PPP2R1B: variants seen among roughly 807,000 people sequenced by gnomAD.
PPP2R1B encodes the protein protein phosphatase 2 scaffold subunit Abeta.
PPP2R1B carries 58 observed loss-of-function variants against 72.7 expected under a neutral mutation model. The observed-to-expected ratio is 0.80, with a 90% CI of 0.65 to 0.99. PPP2R1B has a LOEUF of 0.99. PPP2R1B is among the 50% of genes least tolerant of loss of function. PPP2R1B has a pLI of 0.00. For synonymous variants in PPP2R1B, 256 were observed against 264.6 expected (o/e 0.97, Z 0.32); for missense variants, 695 against 733.6 (o/e 0.95, Z 0.61).
chr11:111,750,308 C>T (rs376653712), intron 10 of PPP2R1B, among the ~76,000 whole-genome samples: 8 of 152,230 alleles, frequency 5.3e-5, no homozygotes, highest in Middle Eastern at 3.4e-3. Context: ...CAAACTGTAG[C>T]GATGTCAATA....
chr11:111,720,755 C>T, the PPP2R1B span: 7 of 1,588,858 alleles, frequency 4.4e-6, no homozygotes, highest in Non-Finnish European at 6.0e-6. Flanking sequence ...ATACCTCCCT[C>T]ACCCAGGGTG....
In PPP2R1B at chr11:111,741,604, A is replaced by G. The variant is rs1443446366; in HGVS notation, c.1798T>C (p.Leu600=). Residue 600 remains leucine (L), a synonymous_variant, in exon 15 of 15, where the codon TTG becomes CTG. Coordinates refer to ENST00000527614, the MANE Select transcript of PPP2R1B (RefSeq NM_002716.5). ...TTCCCTCCTGCTCCTCATTATGCCA[A>G]TGCAAGAACTGGAAAATTCCAAACA... ...FAQEAISVLA[L]A The G allele has an allele frequency of 5.0e-6, 8 of 1,613,212 alleles. No individual in the cohort carries two copies. The highest frequency in any genetic ancestry group is 1.3e-5 in the African/African-American group (1 of 74,896).
chr11:111,708,154 G>C, the PPP2R1B span, among the ~76,000 whole-genome samples: 2 of 152,196 alleles, frequency 1.3e-5, no homozygotes, highest in African/African-American at 4.8e-5. Context: ...GGCCAAGGCA[G>C]GTGGTTTGCT....
chr11:111,762,551 TTC>T (rs1248112975), intron 3 of PPP2R1B, among the ~76,000 whole-genome samples: 8 of 101,724 alleles, frequency 7.9e-5, no homozygotes, highest in Non-Finnish European at 1.1e-4. Flanking sequence ...ACTCCAGCAG[TTC>T]TTTTTTTTTT....
At chr11:111,747,920 A>G (rs1267082789) in intron 11 of PPP2R1B, 34 bp downstream of exon 11, 2 of 1,562,070 alleles carry the variant, frequency 1.3e-6, no homozygotes, top group East Asian at 2.2e-5. Flanking sequence ...TCATGGATAT[A>G]TGGGCTTTCA....
chr11:111,728,861 T>C (rs906283348), intron 15 of PPP2R1B: 3 of 151,256 alleles, frequency 2.0e-5, no homozygotes, highest in Non-Finnish European at 4.4e-5. Flanking sequence ...GAGGTGGAGC[T>C]TGCAGTGAGC....
At chr11:111,721,118 T>C in the PPP2R1B span, 1 of 1,540,802 alleles carries the variant, frequency 6.5e-7, no homozygotes, top group East Asian at 2.3e-5. Context: ...TGTGAGTTTG[T>C]CCTGAAGATG....
intron 10 of PPP2R1B, among the ~76,000 whole-genome samples, chr11:111,748,536 T>C (rs193248553): frequency 6.6e-6 from 1 of 152,348 alleles, no homozygotes; most frequent in African/African-American, 2.4e-5. Context: ...GGCCCAGGAC[T>C]ACAGGGCATA....
chr11:111,703,228 G>C, the PPP2R1B span: 1 of 1,614,126 alleles, frequency 6.2e-7, no homozygotes. Context: ...TCCGAAGGAT[G>C]TTGGTCCTAG....
the PPP2R1B span, among the ~76,000 whole-genome samples, chr11:111,711,868 T>C: frequency 6.6e-6 from 1 of 152,228 alleles, no homozygotes; most frequent in Non-Finnish European, 1.5e-5. Context: ...GTCTGGGTAT[T>C]ATATTTAAAG....
intron 15 of PPP2R1B, chr11:111,729,045 CTGTAATGT>C (rs1944090096): frequency 6.6e-6 from 1 of 152,218 alleles, no homozygotes; most frequent in Non-Finnish European, 1.5e-5. Context: ...TCTGAAGCAC[CTGTAATGT>C]CAGAGCCCTT....
At chr11:111,700,115 C>T in the PPP2R1B span, among the ~76,000 whole-genome samples, 2 of 152,180 alleles carry the variant, frequency 1.3e-5, no homozygotes, top group African/African-American at 2.4e-5. Context: ...TGTAACAATA[C>T]TTACTAAATT....
chr11:111,717,993 C>T, the PPP2R1B span, among the ~76,000 whole-genome samples: 1 of 152,042 alleles, frequency 6.6e-6, no homozygotes, highest in Non-Finnish European at 1.5e-5. Context: ...GATAGGTTGA[C>T]AGGTGCAGCA....
At position 111,764,563 on chromosome 11, in the gene PPP2R1B, A is replaced by T. The variant is rs1012248351; in HGVS notation, c.306+242T>A. ...ACAATCAAACCCTTTTTCTCCCTAC[A>T]TCTAAACTAATAAGTCTACAGACGC... On this transcript the variant is annotated intron_variant, in intron 3 of 14. Coordinates refer to ENST00000527614, the MANE Select transcript of PPP2R1B (RefSeq NM_002716.5). Among the ~76,000 whole-genome samples the T allele has an allele frequency of 2.6e-5, 4 of 152,120 alleles. No homozygotes were observed. The East Asian group carries it at 5.8e-4, about 22-fold the overall frequency.
the PPP2R1B span, among the ~76,000 whole-genome samples, chr11:111,708,873 T>C: frequency 1.3e-5 from 2 of 152,190 alleles, no homozygotes; most frequent in Non-Finnish European, 2.9e-5. Flanking sequence ...CAGGACCTGA[T>C]GAAGGTCACA....
the PPP2R1B span, chr11:111,721,815 C>T: frequency 3.2e-6 from 5 of 1,584,258 alleles, no homozygotes; most frequent in South Asian, 2.3e-5. Flanking sequence ...TTGTTTCCAC[C>T]CCCTTGCTCC....
chr11:111,703,086 G>A, the PPP2R1B span: 1 of 823,628 alleles, frequency 1.2e-6, no homozygotes. Context: ...TTGACCTTCT[G>A]CTTTCCAGTA....
downstream of PPP2R1B, among the ~76,000 whole-genome samples, chr11:111,722,249 A>T (rs1943823973): frequency 6.6e-6 from 1 of 152,228 alleles, no homozygotes; most frequent in African/African-American, 2.4e-5. The surrounding 1 kb of genome is among the most constrained non-coding windows in gnomAD (Gnocchi z 4.4). Context: ...AATAAAATGA[A>T]AACCTTAAGT....
rs782401115 is a variant in PPP2R1B at position 111,748,032 on chromosome 11, T to A, written c.1339-18A>T. ...TCCACACCCTACAGATACAGAAGAT[T>A]CCATTAACATACATTGCCAAAATTC... On this transcript the variant is annotated intron_variant, in intron 10 of 14. Transcript: ENST00000527614. 1 of 1,605,256 alleles carries A rather than the reference T, an allele frequency of 6.2e-7. No homozygotes were observed. The highest frequency in any genetic ancestry group is 1.1e-5 in the South Asian group (1 of 90,426).
Sources: gnomAD v4.1 joint callset for allele counts (sites outside exome capture counted in the v4.1 genomes callset) on GRCh38, gnomAD v4.1.1 for gene constraint, Gnocchi (gnomAD v3.1) non-coding constraint, MANE v1.5 for transcripts, NCBI Gene and HGNC (gene_info 2026-07-23, HGNC 2026-07-21) for gene names.